Variants in KANSL1 observed in about 807,000 individuals in gnomAD.
KANSL1 encodes the protein MLL1/MLL complex subunit KANSL1.
KANSL1 carries 22 observed loss-of-function variants against 103.6 expected under a neutral mutation model. The observed-to-expected ratio is 0.21, with a 90% CI of 0.15 to 0.30. KANSL1 has a LOEUF of 0.30. Among genes scored for constraint, KANSL1 ranks in the 10% least tolerant of loss-of-function variants. KANSL1 has a pLI of 1.00. For synonymous variants in KANSL1, 600 were observed against 527.6 expected (o/e 1.14, Z -1.88); for missense variants, 1,337 against 1,399.8 (o/e 0.96, Z 0.72).
upstream of KANSL1, among the ~76,000 whole-genome samples, chr17:46,197,358 G>A (rs953887801): frequency 6.6e-6 from 1 of 152,124 alleles, no homozygotes; most frequent in African/African-American, 2.4e-5. Flanking sequence ...TGACAATAAT[G>A]TAGGCTGGGC....
At chr17:46,137,116 C>G (rs2044185842) in intron 2 of KANSL1, among the ~76,000 whole-genome samples, 1 of 152,224 alleles carries the variant, frequency 6.6e-6, no homozygotes, top group Admixed American at 6.5e-5. Context: ...ATCCTTCCCC[C>G]CAAAATTGTT....
At chr17:46,160,761 G>A (rs1288587516) in intron 2 of KANSL1, among the ~76,000 whole-genome samples, 8 of 147,358 alleles carry the variant, frequency 5.4e-5, no homozygotes, top group Middle Eastern at 3.5e-3. Context: ...AAACATAAAT[G>A]CCATTATTTT....
intron 4 of KANSL1, among the ~76,000 whole-genome samples, chr17:46,081,900 G>A (rs552089129): frequency 6.6e-6 from 1 of 152,256 alleles, no homozygotes; most frequent in African/African-American, 2.4e-5. Flanking sequence ...AGTGCTCTTG[G>A]AATTCAGAAA....
intron 7 of KANSL1, among the ~76,000 whole-genome samples, chr17:46,047,634 C>T (rs941420043): frequency 1.3e-5 from 2 of 151,544 alleles, no homozygotes; most frequent in South Asian, 2.1e-4. Context: ...GGGCGGGAGG[C>T]GGGGAAGCAG....
At chr17:46,089,820 TGA>T (rs1463109510) in intron 3 of KANSL1, among the ~76,000 whole-genome samples, 7 of 152,336 alleles carry the variant, frequency 4.6e-5, no homozygotes, top group Admixed American at 4.6e-4. Flanking sequence ...AAATCGTGAA[TGA>T]GAGTAAAATG....
At chr17:46,165,518 ATTTTT>A (rs146103384) in intron 2 of KANSL1, among the ~76,000 whole-genome samples, 1 of 143,172 alleles carries the variant, frequency 7.0e-6, no homozygotes, top group African/African-American at 2.7e-5. Context: ...AGGTATTTTT[ATTTTT>A]TTTTTGAGAC....
In KANSL1 at chr17:46,033,384, A is replaced by G; in HGVS notation, c.2724+19T>C. 1 of 1,612,924 alleles carries G rather than the reference A, an allele frequency of 6.2e-7. No homozygotes were observed. The highest frequency in any genetic ancestry group is 8.5e-7 in the Non-Finnish European group (1 of 1,178,932). On this transcript the variant is annotated intron_variant, in intron 12 of 14. Transcript: ENST00000432791. ...ATGTGTACACACGTGTTCTTCTAACAGAAGAACCAGGCCATTACCTCTTCA... is the reference window on the plus strand; with the variant it reads ...ATGTGTACACACGTGTTCTTCTAACGGAAGAACCAGGCCATTACCTCTTCA...
intron 1 of KANSL1, among the ~76,000 whole-genome samples, chr17:46,210,009 A>C (rs1407780114): frequency 6.6e-6 from 1 of 152,220 alleles, no homozygotes; most frequent in Non-Finnish European, 1.5e-5. Flanking sequence ...TCATCAAAGT[A>C]ACTTCCATCT....
intron 6 of KANSL1, among the ~76,000 whole-genome samples, chr17:46,065,525 C>T (rs1159958696): frequency 2.0e-5 from 3 of 152,138 alleles, no homozygotes; most frequent in Non-Finnish European, 4.4e-5. Flanking sequence ...TCCCAATAAG[C>T]ATGTTACATA....
intron 1 of KANSL1, among the ~76,000 whole-genome samples, chr17:46,209,397 A>C (rs1417018439): frequency 6.6e-6 from 1 of 152,210 alleles, no homozygotes; most frequent in African/African-American, 2.4e-5. Context: ...CAAATCTCTA[A>C]TAGTGAATCA....
intron 6 of KANSL1, among the ~76,000 whole-genome samples, chr17:46,059,614 C>T (rs1210930550): frequency 1.9e-5 from 2 of 102,750 alleles, no homozygotes; most frequent in African/African-American, 4.4e-5. Flanking sequence ...CAGAGCGAGG[C>T]GAGGCTCTGA....
At chr17:46,050,813 C>T (rs1362246780) in intron 6 of KANSL1, 109 bp from the exon 7 acceptor site, 8 of 870,536 alleles carry the variant, frequency 9.2e-6, no homozygotes, top group Admixed American at 2.5e-5. Context: ...TTTGTTATTG[C>T]GAAGACCTTT....
chr17:46,207,746 G>A (rs1398264758), intron 1 of KANSL1, among the ~76,000 whole-genome samples: 1 of 152,234 alleles, frequency 6.6e-6, no homozygotes, highest in Non-Finnish European at 1.5e-5. Context: ...GGGAGGCCAA[G>A]GTGCGGGGAC....
rs764750830 is a variant in KANSL1 at position 46,031,576 on chromosome 17, C to A, written c.3218G>T (p.Gly1073Val). 6.2e-7 allele frequency: 1 copy of A among 1,614,146 alleles called. No homozygotes were observed. The highest frequency in any genetic ancestry group is 8.5e-7 in the Non-Finnish European group (1 of 1,180,020). The change falls in exon 15 of 15, where the codon GGC (glycine) becomes GTC (valine). Residue 1073 changes from glycine (G) to valine (V), a missense_variant. This residue lies in a region of KANSL1 where 780 missense variants were observed against 923.4 expected (regional missense o/e 0.84). Coordinates refer to ENST00000432791, the MANE Select transcript of KANSL1 (RefSeq NM_015443.4). ...GGTGGGCGCTGCCTCTGTCTCCCGG[C>A]CAGTCTTGCTGCCTGAGGTGCGTCG... ...CTRRTSGSKT[G>V]RETEAAPTSP... is the part of the protein sequence containing the mutation.
intron 1 of KANSL1, among the ~76,000 whole-genome samples, chr17:46,186,097 C>T (rs1427429518): frequency 1.3e-5 from 2 of 151,640 alleles, no homozygotes; most frequent in South Asian, 2.1e-4. Context: ...TAAAGGAGGC[C>T]GGGCGCGGTG....
At position 46,181,383 on chromosome 17, in the gene KANSL1, C is replaced by G. The variant is rs1402696685; in HGVS notation, c.-89-9151G>C. Among the ~76,000 whole-genome samples, 6 of 152,208 alleles carry G rather than the reference C, an allele frequency of 3.9e-5. No homozygotes were observed. In the East Asian group the frequency reaches 9.7e-4, roughly 25 times the overall value. ...CTAGTGCCTCAGTGCCCCAAACTAT[C>G]CTTTACCTTTTTATCATCTCACTTT... On this transcript the variant is annotated intron_variant, in intron 1 of 14. Coordinates refer to ENST00000432791, the MANE Select transcript of KANSL1 (RefSeq NM_015443.4).
At chr17:46,094,426 T>C in intron 3 of KANSL1, 134 bp downstream of exon 3, 1 of 1,090,790 alleles carries the variant, frequency 9.2e-7, no homozygotes, top group Non-Finnish European at 1.3e-6. Flanking sequence ...AACCACTATA[T>C]CAGGTCATTA....
chr17:46,038,944 G>T, intron 9 of KANSL1, 83 bp downstream of exon 9: 3 of 1,493,210 alleles, frequency 2.0e-6, no homozygotes, highest in Non-Finnish European at 2.7e-6. Context: ...CAAAGCTGGG[G>T]GTAATTAAGA....
At chr17:46,046,840 TAAAA>T (rs36102082) in intron 7 of KANSL1, among the ~76,000 whole-genome samples, 8 of 118,680 alleles carry the variant, frequency 6.7e-5, no homozygotes, top group Admixed American at 1.8e-4. Context: ...GTCTCAAAAG[TAAAA>T]AAAAAAAAAA....
Sources: allele counts gnomAD v4.1 joint callset (sites outside exome capture counted in the v4.1 genomes callset), GRCh38; gene constraint gnomAD v4.1.1; regional missense constraint gnomAD v4.1.1; transcripts MANE v1.5; gene names NCBI Gene and HGNC (gene_info 2026-07-23, HGNC 2026-07-21).